Variants in USH2A observed in about 807,000 individuals in gnomAD.
USH2A encodes usherin.
A neutral mutation model predicts 538.9 loss-of-function variants in USH2A; 443 were observed. The observed-to-expected ratio is 0.82, with a 90% CI of 0.76 to 0.89. The LOEUF (loss-of-function observed/expected upper bound fraction) is 0.89, where lower values mean the gene tolerates loss of function less well. Ranked by LOEUF, USH2A falls within the 40% of genes least tolerant of loss-of-function variation. The probability of loss-of-function intolerance (pLI) is 0.00; values close to 1 mark genes in which losing one functional copy is unlikely to be tolerated. For missense variants in USH2A, 6,633 were observed against 6,324.8 expected (o/e 1.05, Z -1.65); for synonymous variants, 2,413 against 2,273.5 (o/e 1.06, Z -1.75).
chr1:215,635,066 A>G (rs1656432627), intron 69 of USH2A, among the ~76,000 whole-genome samples: 1 of 152,140 alleles, frequency 6.6e-6, no homozygotes, highest in South Asian at 2.1e-4. Flanking sequence ...CTTGGGAGCA[A>G]AGTCCTTGCT....
At chr1:216,353,038 C>T (rs1348879451) in intron 4 of USH2A, among the ~76,000 whole-genome samples, 3 of 151,868 alleles carry the variant, frequency 2.0e-5, no homozygotes, top group Non-Finnish European at 2.9e-5. Flanking sequence ...GTATATTTAA[C>T]CTATGCTGTG....
At chr1:216,236,411 C>T (rs1284125720) in intron 13 of USH2A, among the ~76,000 whole-genome samples, 1 of 152,080 alleles carries the variant, frequency 6.6e-6, no homozygotes, top group Non-Finnish European at 1.5e-5. Flanking sequence ...ACATGTGAGT[C>T]AGTTTCCCCT....
chr1:216,340,274 T>C (rs7539376), intron 4 of USH2A, among the ~76,000 whole-genome samples: 59,620 of 151,600 alleles, frequency 0.39, 13,070 homozygotes, highest in African/African-American at 0.6. Flanking sequence ...CACATAAACC[T>C]TCCCAAGGCT....
At chr1:216,156,295 C>CTTTTTTTTTTTT (rs35698520) in intron 21 of USH2A, among the ~76,000 whole-genome samples, 8 of 105,518 alleles carry the variant, frequency 7.6e-5, no homozygotes, top group Non-Finnish European at 1.1e-4. Context: ...TTTTTTTTTT[C>CTTTTTTTTTTTT]TTTTTTTTTT....
At chr1:215,760,185 A>AATCG (rs1215708004) in intron 56 of USH2A, among the ~76,000 whole-genome samples, 1 of 152,162 alleles carries the variant, frequency 6.6e-6, no homozygotes, top group Admixed American at 6.5e-5. Flanking sequence ...AAGTAAGCAT[A>AATCG]ATCGAGTATG....
At chr1:216,092,108 G>T (rs868367339) in intron 22 of USH2A, among the ~76,000 whole-genome samples, 1 of 152,164 alleles carries the variant, frequency 6.6e-6, no homozygotes, top group African/African-American at 2.4e-5. Flanking sequence ...TTGTAAGCCA[G>T]AAAAATGGAT....
rs760779633 is a variant in USH2A, at chr1:215,867,111, C to T, written c.8741G>A (p.Arg2914Gln). The T allele has an allele frequency of 9.9e-6, 16 of 1,613,978 alleles. No homozygotes were observed. Among genetic ancestry groups the T allele is most frequent in the South Asian group, 4.4e-5 (4 of 91,080 alleles). ...VHNSVGFTPS[R>Q]EVTVTTLAGL... ...AGCTAACGTTGTCACAGTCACTTCT[C>T]GGCTCGGTGTAAAACCCACACTGTT... Residue 2914 changes from arginine (R) to glutamine (Q), a missense_variant, in exon 44 of 72, where the codon CGA becomes CAA. Physicochemically the swap from Arg to Gln is conservative, Grantham distance 43 (BLOSUM62 1). Transcript: ENST00000307340.
At chr1:216,336,321 C>A (rs572019192) in intron 4 of USH2A, among the ~76,000 whole-genome samples, 126 of 151,260 alleles carry the variant, frequency 8.3e-4, no homozygotes, top group African/African-American at 2.9e-3. Context: ...TGAAAAAATG[C>A]TTTTTCCCTA....
Position 215,674,889 on chromosome 1 carries a change from C to T in USH2A, c.13022G>A (p.Cys4341Tyr). 1 of 1,614,188 alleles carries T rather than the reference C, an allele frequency of 6.2e-7. No individual in the cohort carries two copies. The highest frequency in any genetic ancestry group is 1.1e-5 in the South Asian group (1 of 91,090). ...YALQACTSGG[C>Y]STSKPTSITT... Reference sequence around the variant, plus strand: ...GATGCTGGTGGGTTTGCTGGTGGAGCATCCTCCACTCGTGCAGGCTTGGAG... The same window carrying T: ...GATGCTGGTGGGTTTGCTGGTGGAGTATCCTCCACTCGTGCAGGCTTGGAG... Residue 4341 changes from cysteine (C) to tyrosine (Y), a missense_variant, in exon 63 of 72, where the codon TGC becomes TAC. By Grantham distance (194) the Cys-to-Tyr change is radical (BLOSUM62 -2). Transcript: ENST00000307340.
chr1:215,626,847 G>A (rs922844629), intron 71 of USH2A, among the ~76,000 whole-genome samples: 1 of 152,090 alleles, frequency 6.6e-6, no homozygotes, highest in African/African-American at 2.4e-5. Flanking sequence ...AGTTTGTGAA[G>A]ATTAGATGTA....
intron 63 of USH2A, among the ~76,000 whole-genome samples, chr1:215,673,795 C>T (rs951155395): frequency 2.0e-5 from 3 of 152,130 alleles, no homozygotes; most frequent in East Asian, 3.9e-4. Flanking sequence ...CAGGGGCCTG[C>T]GTATTTCCAG....
intron 56 of USH2A, among the ~76,000 whole-genome samples, chr1:215,760,578 T>C (rs1306086622): frequency 2.0e-5 from 3 of 152,184 alleles, no homozygotes; most frequent in South Asian, 2.1e-4. Flanking sequence ...GGATGACTGA[T>C]GATATATCAA....
chr1:216,120,219 C>CAAAAAAAAAAAAAAAAAAAAAAAA (rs10525093), intron 21 of USH2A, among the ~76,000 whole-genome samples: 1 of 100,070 alleles, frequency 1.0e-5, no homozygotes, highest in African/African-American at 3.8e-5. Flanking sequence ...TACTAAATAG[C>CAAAAAAAAAAAAAAAAAAAAAAAA]AAAAAAAAAA....
chr1:215,995,316 C>T (rs1306749938), intron 34 of USH2A, among the ~76,000 whole-genome samples: 1 of 152,128 alleles, frequency 6.6e-6, no homozygotes, highest in Non-Finnish European at 1.5e-5. Flanking sequence ...GAATGTAAGG[C>T]ATTTATGAAA....
chr1:216,083,451 C>T lies in USH2A; in HGVS notation c.5298+5G>A, dbSNP rs1176314553. 1.9e-6 allele frequency: 3 copies of T among 1,610,462 alleles called. No homozygotes were observed. The Admixed American group carries it at 5.0e-5, about 27-fold the overall frequency. Reference sequence around the variant, plus strand: ...AAGTAATTTTAATCAAATTAATTCACATACAGCAAGAAAATCAGGTCCATC... The same window carrying T: ...AAGTAATTTTAATCAAATTAATTCATATACAGCAAGAAAATCAGGTCCATC... On this transcript the variant is annotated splice_donor_5th_base_variant and intron_variant, in intron 26 of 71. Transcript: ENST00000307340.
intron 44 of USH2A, among the ~76,000 whole-genome samples, chr1:215,865,288 T>A (rs1446865500): frequency 6.6e-6 from 1 of 152,158 alleles, no homozygotes; most frequent in Non-Finnish European, 1.5e-5. Context: ...AAGGTATGAA[T>A]GGAAATAACA....
intron 32 of USH2A, among the ~76,000 whole-genome samples, chr1:216,045,111 G>T (rs1410143815): frequency 1.3e-5 from 2 of 152,080 alleles, no homozygotes; most frequent in African/African-American, 2.4e-5. Flanking sequence ...GCATTAATGT[G>T]AGTGAGTGAA....
At chr1:215,948,112 T>G (rs116482783) in intron 37 of USH2A, among the ~76,000 whole-genome samples, 4,870 of 152,170 alleles carry the variant, frequency 0.032, 120 homozygotes, top group South Asian at 0.084. Flanking sequence ...ATCTCTTGTA[T>G]AACAATCTCA....
chr1:216,039,682 A>C (rs75967684), intron 32 of USH2A, among the ~76,000 whole-genome samples: 14 of 152,148 alleles, frequency 9.2e-5, no homozygotes, highest in Non-Finnish European at 1.9e-4. Flanking sequence ...GGTGTGAATG[A>C]GTATAATTTA....
Sources: allele counts gnomAD v4.1 joint callset (sites outside exome capture counted in the v4.1 genomes callset), GRCh38; gene constraint gnomAD v4.1.1; transcripts MANE v1.5; gene names NCBI Gene and HGNC (gene_info 2026-07-23, HGNC 2026-07-21).